BCORL1: variants seen among roughly 807,000 people sequenced by gnomAD.
The protein encoded by BCORL1 is BCL6 corepressor like 1, also known as BCL-6 corepressor-like protein 1.
Under a neutral mutation model 87.6 loss-of-function variants are expected in BCORL1, and 7 were observed. That is an observed-to-expected ratio of 0.08 (90% CI 0.05 to 0.15). The LOEUF (loss-of-function observed/expected upper bound fraction) is 0.15, where lower values mean the gene tolerates loss of function less well. Ranked by LOEUF, BCORL1 falls within the 10% of genes least tolerant of loss-of-function variation. The pLI is 1.00. For missense variants in BCORL1, 1,215 were observed against 1,499.7 expected, an observed-to-expected ratio of 0.81 and a Z score of 3.13; for synonymous variants, 591 against 634.4, an observed-to-expected ratio of 0.93 and a Z score of 1.03.
chrX:129,992,543 A>AACCCATAGCTGAGTCTG (rs1438864778), intron 1 of BCORL1, among the ~76,000 whole-genome samples: 5 of 112,291 alleles, frequency 4.5e-5, no homozygotes, highest in African/African-American at 1.6e-4. Flanking sequence ...AAATTAGTTG[A>AACCCATAGCTGAGTCTG]ACCCATAGCT....
intron 9 of BCORL1, among the ~76,000 whole-genome samples, chrX:130,037,081 G>A (rs1245195610): frequency 1.8e-5 from 2 of 111,406 alleles, no homozygotes; most frequent in Middle Eastern, 4.6e-3. Flanking sequence ...GGGAGGCAGA[G>A]GCTGCAGTGA....
At chrX:130,027,345 G>A (rs1417288702) in intron 7 of BCORL1, among the ~76,000 whole-genome samples, 4 of 112,834 alleles carry the variant, frequency 3.5e-5, no homozygotes, top group Non-Finnish European at 7.5e-5. Context: ...TCCTGGACAG[G>A]CTATGGGGCC....
At chrX:130,045,546 A>G (rs972497344) in intron 11 of BCORL1, among the ~76,000 whole-genome samples, 1 of 111,147 alleles carries the variant, frequency 9.0e-6, no homozygotes, top group East Asian at 2.8e-4. Context: ...CTGCTGGGGT[A>G]GCCTCTTGAA....
chrX:130,025,578 A>G (rs1930196425), intron 7 of BCORL1, among the ~76,000 whole-genome samples, 199 bp downstream of exon 7: 1 of 111,349 alleles, frequency 9.0e-6, no homozygotes, highest in Non-Finnish European at 1.9e-5. Flanking sequence ...ATTGGCCTGC[A>G]GGTGAGCGGA....
intron 1 of BCORL1, among the ~76,000 whole-genome samples, chrX:130,001,736 T>A (rs1928066277): frequency 2.8e-5 from 3 of 108,572 alleles, no homozygotes; most frequent in Non-Finnish European, 5.7e-5. Context: ...AATGGCAGGA[T>A]GTGGTGGAAG....
intron 1 of BCORL1, among the ~76,000 whole-genome samples, chrX:129,997,950 C>T (rs1167470980): frequency 1.9e-5 from 2 of 105,862 alleles, no homozygotes; most frequent in African/African-American, 6.9e-5. Context: ...AGGCCTTTTA[C>T]TTCTCTGTGC....
chrX:130,028,668 C>T lies in BCORL1; in HGVS notation c.4112C>T (p.Ser1371Phe). The T allele has an allele frequency of 4.1e-6, 5 of 1,210,952 alleles. No individual in the cohort carries two copies. Among genetic ancestry groups the T allele is most frequent in the Non-Finnish European group, 5.6e-6 (5 of 895,283 alleles). The change falls in exon 8 of 14, where the codon TCC (serine) becomes TTC (phenylalanine). Residue 1371 changes from serine (S) to phenylalanine (F), a missense_variant. By Grantham distance (155) the Ser-to-Phe change is radical (BLOSUM62 -2). Around this residue, in one of 5 missense-constraint regions of BCORL1, gnomAD observed 166 missense variants for 196.5 expected, o/e 0.84. Transcript: ENST00000540052. ...LKARKQKTSS[S>F]QSLEHRLRNR... Reference sequence around the variant, plus strand: ...GCCCGTAAGCAGAAGACTTCCTCCTCCCAAAGTTTGGAGCACCGCCTCAGG... The same window carrying T: ...GCCCGTAAGCAGAAGACTTCCTCCTTCCAAAGTTTGGAGCACCGCCTCAGG...
In BCORL1 at chrX:130,056,184, C is replaced by T. The variant is rs774915848; in HGVS notation, c.*48C>T. On this transcript the variant is annotated 3_prime_UTR_variant, in exon 14 of 14. Coordinates refer to ENST00000540052, the MANE Select transcript of BCORL1 (RefSeq NM_001379451.1). ...TCTTTCTCCTTCCGAGTTCGCCCTT[C>T]CCCCACCTCCTTGTCTTTCCCCGAC... 2 of 1,086,878 alleles carry T rather than the reference C, an allele frequency of 1.8e-6. No homozygotes were observed. The highest frequency in any genetic ancestry group is 1.9e-5 in the African/African-American group (1 of 53,426). 89.6% of individuals were successfully genotyped at this position (1,086,878 alleles called of 1,213,427 possible). A position where few individuals can be genotyped will look rare whatever the true frequency, so the allele number is the denominator to read the frequency against.
chrX:130,005,589 G>A (rs2124406007), intron 2 of BCORL1, among the ~76,000 whole-genome samples: 1 of 110,483 alleles, frequency 9.1e-6, no homozygotes, highest in Admixed American at 9.7e-5. Flanking sequence ...TCAGACTGTG[G>A]AGTAAGGGGA....
chrX:130,012,009 C>T (rs1231582636), intron 2 of BCORL1, among the ~76,000 whole-genome samples: 1 of 112,007 alleles, frequency 8.9e-6, no homozygotes, highest in African/African-American at 3.2e-5. Flanking sequence ...TGCTAATAAA[C>T]ATGTCTCTGC....
chrX:130,029,461 G>A (rs1930444352), intron 8 of BCORL1, among the ~76,000 whole-genome samples: 2 of 111,226 alleles, frequency 1.8e-5, no homozygotes, highest in Non-Finnish European at 3.8e-5. Context: ...TGATGTTCAT[G>A]CCATTGGTGT....
chrX:129,990,827 C>A (rs1927077907), intron 1 of BCORL1, among the ~76,000 whole-genome samples: 1 of 111,759 alleles, frequency 8.9e-6, no homozygotes, highest in Admixed American at 9.5e-5. Flanking sequence ...GAGTGTATAT[C>A]CAGTTGAAAC....
chrX:130,043,438 CT>C (rs1229513739), intron 11 of BCORL1, among the ~76,000 whole-genome samples: 1 of 110,205 alleles, frequency 9.1e-6, no homozygotes, highest in East Asian at 2.9e-4. Context: ...CCTGCCAAAT[CT>C]CCAGGAACCA....
chrX:129,985,660 A>G (rs772446700), intron 1 of BCORL1, among the ~76,000 whole-genome samples: 12 of 110,607 alleles, frequency 1.1e-4, no homozygotes, highest in Non-Finnish European at 2.3e-4. Flanking sequence ...GAGTTTAGGG[A>G]TGTGGCCATC....
intron 1 of BCORL1, among the ~76,000 whole-genome samples, chrX:129,989,714 A>G (rs181799383): frequency 5.0e-4 from 52 of 104,839 alleles, no homozygotes; most frequent in African/African-American, 1.6e-3. Context: ...TGATCTGCCC[A>G]CCTCAACCTC....
chrX:130,012,212 G>A (rs910996336), intron 2 of BCORL1, among the ~76,000 whole-genome samples: 1 of 111,939 alleles, frequency 8.9e-6, no homozygotes, highest in Non-Finnish European at 1.9e-5. Context: ...TGGTTCTCAT[G>A]TCTCCCCTTT....
At chrX:130,009,712 A>G (rs1928807586) in intron 2 of BCORL1, among the ~76,000 whole-genome samples, 1 of 110,485 alleles carries the variant, frequency 9.1e-6, no homozygotes, top group Non-Finnish European at 1.9e-5. Context: ...GGTCATGGCC[A>G]TTTCTGGTTT....
At chrX:130,035,404 G>C (rs949773217) in intron 9 of BCORL1, among the ~76,000 whole-genome samples, 1 of 112,326 alleles carries the variant, frequency 8.9e-6, no homozygotes, top group African/African-American at 3.2e-5. Context: ...GTTACACCTT[G>C]GACGTTTCCA....
Position 130,037,496 on chromosome X carries a change from G to A in BCORL1, c.4657G>A (p.Gly1553Arg), listed in dbSNP as rs1221522818. The stretch of plus-strand genomic sequence containing the variant: ...CATCCTGAACATCCTGCTGGAGCAC[G>A]GGGCCAACGTGAACTGCAGTGCGCA... ...TDILNILLEH[G>R]ANVNCSAQDG... The change falls in exon 10 of 14, where the codon GGG (glycine) becomes AGG (arginine). Residue 1553 changes from glycine to arginine, a missense_variant. Gly to Arg is a moderately radical substitution (Grantham distance 125). This residue lies in a region of BCORL1 where 55 missense variants were observed against 115.1 expected (regional missense o/e 0.48). Coordinates refer to ENST00000540052, the MANE Select transcript of BCORL1 (RefSeq NM_001379451.1). The A allele has an allele frequency of 3.3e-6, 4 of 1,209,541 alleles. No homozygotes were observed. The highest frequency in any genetic ancestry group is 1.8e-5 in the African/African-American group (1 of 57,084).
Sources: allele counts gnomAD v4.1 joint callset (sites outside exome capture counted in the v4.1 genomes callset), GRCh38; gene constraint gnomAD v4.1.1; regional missense constraint gnomAD v4.1.1; transcripts MANE v1.5; gene names NCBI Gene and HGNC (gene_info 2026-07-23, HGNC 2026-07-21).